The following NRXN3 variants were observed in gnomAD, a reference collection of about 807,000 sequenced individuals.
NRXN3 encodes neurexin 3, also known as neurexin III.
In NRXN3, 32 loss-of-function variants were observed where a neutral mutation model predicts 137.6. The ratio of observed to expected loss-of-function variants is 0.23; its 90% CI spans 0.18 to 0.31. NRXN3 has a LOEUF of 0.31. Among genes scored for constraint, NRXN3 ranks in the 10% least tolerant of loss-of-function variants. The probability of loss-of-function intolerance (pLI) is 1.00; values close to 1 mark genes in which losing one functional copy is unlikely to be tolerated. For missense variants in NRXN3, 1,574 were observed against 2,062.5 expected (o/e 0.76, Z 4.59); for synonymous variants, 798 against 784.5 (o/e 1.02, Z -0.29).
chr14:78,624,212 T>G (rs948800771), intron 4 of NRXN3, among the ~76,000 whole-genome samples: 2 of 152,228 alleles, frequency 1.3e-5, no homozygotes, highest in Non-Finnish European at 2.9e-5. Flanking sequence ...TGGCAGTTGC[T>G]AGGTGATGTA....
intron 19 of NRXN3, among the ~76,000 whole-genome samples, chr14:79,783,300 A>C (rs1276663505): frequency 6.6e-6 from 1 of 152,194 alleles, no homozygotes; most frequent in Non-Finnish European, 1.5e-5. Flanking sequence ...CTGATCATTA[A>C]CTAGGAGGAA....
intron 4 of NRXN3, among the ~76,000 whole-genome samples, chr14:78,504,099 G>A (rs888130066): frequency 2.0e-5 from 3 of 152,102 alleles, no homozygotes; most frequent in African/African-American, 7.2e-5. Context: ...GGGGAATAGA[G>A]TTCTTAGTTT....
intron 19 of NRXN3, among the ~76,000 whole-genome samples, chr14:79,800,121 C>T (rs2099173023): frequency 6.6e-6 from 1 of 152,088 alleles, no homozygotes; most frequent in Non-Finnish European, 1.5e-5. Context: ...ATAGGGGAAC[C>T]ATCATACGTC....
chr14:79,287,818 T>C (rs991324226), intron 15 of NRXN3, among the ~76,000 whole-genome samples: 1 of 152,252 alleles, frequency 6.6e-6, no homozygotes, highest in African/African-American at 2.4e-5. Flanking sequence ...TTAGACATTC[T>C]GTGTGATACC....
In NRXN3 at chr14:78,385,175, A is replaced by C. The variant is rs530369956; in HGVS notation, c.757+87315A>C. Among the ~76,000 whole-genome samples the C allele has an allele frequency of 1.1e-3, 170 of 151,674 alleles. No individual in the cohort carries two copies. The Middle Eastern group carries it at 0.017, about 15-fold the overall frequency. Reference sequence around the variant, plus strand: ...GTCATGTGGTTTCACACACACAAATAAAAAAAATGAAAGGAAATAAATCAA... The same window carrying C: ...GTCATGTGGTTTCACACACACAAATCAAAAAAATGAAAGGAAATAAATCAA... On this transcript the variant is annotated intron_variant, in intron 4 of 20. Transcript: ENST00000335750.
intron 20 of NRXN3, among the ~76,000 whole-genome samples, chr14:79,858,982 AAAAG>A (rs778455598): frequency 0.23 from 10,947 of 48,264 alleles, 929 homozygotes; most frequent in African/African-American, 0.39. Flanking sequence ...CAATGTAAAA[AAAAG>A]AAAAAAAAAA....
chr14:79,251,403 G>A (rs1251265525), intron 15 of NRXN3, among the ~76,000 whole-genome samples: 1 of 152,112 alleles, frequency 6.6e-6, no homozygotes, highest in Non-Finnish European at 1.5e-5. Context: ...CGTCTTTCAA[G>A]AAATGACTTC....
chr14:79,765,718 C>A (rs989358181), intron 19 of NRXN3, among the ~76,000 whole-genome samples: 1 of 152,144 alleles, frequency 6.6e-6, no homozygotes, highest in Admixed American at 6.5e-5. Context: ...ATGGATGAAT[C>A]TCTGCTTATG....
chr14:78,810,324 TC>T lies in NRXN3; in HGVS notation c.2256del (p.Arg753GlyfsTer2). Reference protein sequence around the residue: ...RVKLMVNLDCIRINCNSSKGP... With the variant: ...RVKLMVNLDCXRINCNSSKGP... The stretch of plus-strand genomic sequence containing the variant: ...TTTATTTTTCCCCATCTAGACTGTA[TC>T]AGGATAAACTGTAACTCCAGTAAGT... On this transcript the variant is annotated frameshift_variant, in exon 10 of 21. Transcript: ENST00000335750. LOFTEE classifies it high-confidence loss of function. The T allele has an allele frequency of 6.7e-7, 1 of 1,499,460 alleles. No individual in the cohort carries two copies. The highest frequency in any genetic ancestry group is 9.0e-7 in the Non-Finnish European group (1 of 1,113,444). The allele number at this position is 1,499,460 out of a possible 1,614,324, so 92.9% of individuals were successfully genotyped here.
At chr14:79,513,930 T>C (rs1307111365) in intron 16 of NRXN3, among the ~76,000 whole-genome samples, 2 of 152,184 alleles carry the variant, frequency 1.3e-5, no homozygotes, top group Non-Finnish European at 2.9e-5. Flanking sequence ...AATGTCACTA[T>C]ACAATAAATT....
intron 17 of NRXN3, among the ~76,000 whole-genome samples, chr14:79,689,812 G>C (rs961192252): frequency 6.6e-6 from 1 of 152,086 alleles, no homozygotes; most frequent in Admixed American, 6.6e-5. Context: ...GGGATGCTTA[G>C]GAGGGACAAG....
chr14:79,485,770 T>C (rs2096650222), intron 16 of NRXN3, among the ~76,000 whole-genome samples: 1 of 152,136 alleles, frequency 6.6e-6, no homozygotes, highest in South Asian at 2.1e-4. Flanking sequence ...CTCAGAAAAA[T>C]AGACAAAATG....
At chr14:78,587,301 G>A (rs1159181596) in intron 4 of NRXN3, among the ~76,000 whole-genome samples, 2 of 152,162 alleles carry the variant, frequency 1.3e-5, no homozygotes, top group Non-Finnish European at 2.9e-5. Flanking sequence ...TAGAGCAGTG[G>A]CTTTCCAAGT....
intron 3 of NRXN3, chr14:78,282,547 A>C: frequency 5.9e-6 from 1 of 168,966 alleles, no homozygotes; most frequent in East Asian, 1.6e-4. Flanking sequence ...CCCGATGAGG[A>C]AATAGGCCTC....
intron 10 of NRXN3, 126 bp from the exon 11 acceptor site, chr14:78,957,116 C>T (rs2099398306): frequency 3.9e-6 from 4 of 1,023,458 alleles, no homozygotes; most frequent in Non-Finnish European, 1.4e-6. Context: ...TTCGAATGGA[C>T]TTTGGGTGGA....
intron 1 of NRXN3, among the ~76,000 whole-genome samples, chr14:78,217,044 A>T (rs957831196): frequency 2.6e-5 from 4 of 152,206 alleles, no homozygotes; most frequent in African/African-American, 9.7e-5. Context: ...ATAAAGTCAC[A>T]TTCACAGGTA....
chr14:78,967,446 T>A (rs1017655946), intron 13 of NRXN3, 48 bp downstream of exon 13: 12 of 1,364,458 alleles, frequency 8.8e-6, no homozygotes, highest in Non-Finnish European at 1.2e-5. Flanking sequence ...TTTCTTACAA[T>A]AGATAGACTA....
At chr14:78,191,326 T>C (rs1180416582) in intron 1 of NRXN3, among the ~76,000 whole-genome samples, 1 of 152,142 alleles carries the variant, frequency 6.6e-6, no homozygotes, top group Non-Finnish European at 1.5e-5. Context: ...GCATGGTGGC[T>C]GAGAGAGGTT....
Position 78,243,097 on chromosome 14 carries a change from A to G in NRXN3, c.4A>G (p.Ser2Gly). The change falls in exon 2 of 21, where the codon AGC (serine) becomes GGC (glycine). Residue 2 changes from serine (S) to glycine (G), a missense_variant. Physicochemically the swap from Ser to Gly is moderately conservative, Grantham distance 56 (BLOSUM62 0). Around this residue, in one of 5 missense-constraint regions of NRXN3, gnomAD observed 400 missense variants for 527.3 expected, o/e 0.76. Transcript: ENST00000335750. This position sits in a 1 kb window ranked among gnomAD's most constrained non-coding sequence, Gnocchi z 4.2. MSSTLHSVFFTL... is the reference protein window; with the variant it reads MGSTLHSVFFTL... ...GGGCTCTGTCCCAGCAGCGACAATG[A>G]GCTCCACACTCCACTCGGTTTTCTT... 6.6e-7 allele frequency: 1 copy of G among 1,519,252 alleles called. No homozygotes were observed. The highest frequency in any genetic ancestry group is 1.3e-5 in the South Asian group (1 of 79,618). 94.1% of individuals were successfully genotyped at this position (1,519,252 alleles called of 1,614,324 possible).
Sources: allele counts gnomAD v4.1 joint callset (sites outside exome capture counted in the v4.1 genomes callset), GRCh38; gene constraint gnomAD v4.1.1; regional missense constraint gnomAD v4.1.1; non-coding constraint Gnocchi (gnomAD v3.1); transcripts MANE v1.5; gene names NCBI Gene and HGNC (gene_info 2026-07-23, HGNC 2026-07-21).